TPX2: variants seen among roughly 807,000 people sequenced by gnomAD.
TPX2 encodes the protein TPX2 microtubule nucleation factor, also known as targeting protein for Xklp2.
TPX2 carries 21 observed loss-of-function variants against 93.6 expected under a neutral mutation model. The observed-to-expected ratio is 0.22, with a 90% CI of 0.16 to 0.32. The LOEUF (loss-of-function observed/expected upper bound fraction) is 0.32, where lower values mean the gene tolerates loss of function less well. TPX2 is among the 10% of genes least tolerant of loss of function. The pLI, the probability that TPX2 is intolerant of heterozygous loss-of-function variation, is 1.00. For synonymous variants in TPX2, 281 were observed against 298.3 expected (o/e 0.94, Z 0.60); for missense variants, 776 against 871.1 (o/e 0.89, Z 1.37).
intron 2 of TPX2, among the ~76,000 whole-genome samples, chr20:31,745,276 A>C (rs2061776526): frequency 6.6e-6 from 1 of 152,154 alleles, no homozygotes; most frequent in Non-Finnish European, 1.5e-5. Flanking sequence ...CATGGTTTAA[A>C]ATCTTCCTCC....
At chr20:31,797,295 T>A (rs557256180) in intron 15 of TPX2, 109 bp from the exon 16 acceptor site, 3 of 928,948 alleles carry the variant, frequency 3.2e-6, no homozygotes, top group South Asian at 3.1e-5. Flanking sequence ...TTATATTAAA[T>A]CTGCTATTTT....
At chr20:31,759,925 G>T in intron 3 of TPX2, 132 bp from the exon 4 acceptor site, 1 of 1,218,030 alleles carries the variant, frequency 8.2e-7, no homozygotes, top group Non-Finnish European at 1.1e-6. Context: ...TTGATTGCTA[G>T]AACTTTGCTT....
intron 9 of TPX2, 132 bp from the exon 10 acceptor site, chr20:31,778,681 A>G (rs2062016677): frequency 1.2e-6 from 1 of 818,908 alleles, no homozygotes. Flanking sequence ...TCAAGGACTG[A>G]CAAACTTCAG....
rs536682881 is a variant in TPX2 at position 31,787,819 on chromosome 20, G to A, written c.1413+3898G>A. Among the ~76,000 whole-genome samples the A allele has an allele frequency of 1.4e-4, 21 of 152,322 alleles. No individual in the cohort carries two copies. The East Asian group carries it at 3.9e-3, about 28-fold the overall frequency. On this transcript the variant is annotated intron_variant, in intron 12 of 17. Transcript: ENST00000300403. ...GCATTTCTCAGGTGAGCCAAGGGAT[G>A]ACTTTGAGTTCTGTCCTTTGTCCTG...
chr20:31,747,433 T>A (rs972801053), intron 2 of TPX2, among the ~76,000 whole-genome samples: 1 of 151,796 alleles, frequency 6.6e-6, no homozygotes, highest in Non-Finnish European at 1.5e-5. Context: ...TTTATATCTC[T>A]ATCTCTGTCT....
intron 12 of TPX2, among the ~76,000 whole-genome samples, chr20:31,785,332 G>T (rs1675144033): frequency 6.6e-6 from 1 of 152,140 alleles, no homozygotes; most frequent in South Asian, 2.1e-4. Flanking sequence ...AAACAGTGTT[G>T]TGAATACAAC....
At chr20:31,773,143 ATTTT>A (rs769516478) in intron 7 of TPX2, among the ~76,000 whole-genome samples, 3 of 102,344 alleles carry the variant, frequency 2.9e-5, no homozygotes, top group South Asian at 3.2e-4. Context: ...CACCCGGCTA[ATTTT>A]TTTTTTTTTT....
chr20:31,797,377 T>C, intron 15 of TPX2, 27 bp from the exon 16 acceptor site: 6 of 1,608,702 alleles, frequency 3.7e-6, no homozygotes, highest in Non-Finnish European at 5.1e-6. Flanking sequence ...GAGACATTGC[T>C]CATCTGACTG....
At chr20:31,755,855 G>A (rs2061848612) in intron 2 of TPX2, among the ~76,000 whole-genome samples, 1 of 152,052 alleles carries the variant, frequency 6.6e-6, no homozygotes, top group Non-Finnish European at 1.5e-5. Flanking sequence ...ATTACTTTCA[G>A]CTATTTTATT....
At chr20:31,771,854 T>C (rs568572402) in intron 7 of TPX2, among the ~76,000 whole-genome samples, 172 bp downstream of exon 7, 2 of 152,158 alleles carry the variant, frequency 1.3e-5, no homozygotes, top group East Asian at 3.9e-4. Flanking sequence ...AATTTTTATT[T>C]AATTAATTAA....
Position 31,792,773 on chromosome 20 carries a change from C to A in TPX2, c.1452C>A (p.Pro484=), listed in dbSNP as rs752522224. Residue 484 remains proline (P), a synonymous_variant, in exon 13 of 18, where the codon CCC becomes CCA. Coordinates refer to ENST00000300403, the MANE Select transcript of TPX2 (RefSeq NM_012112.5). ...AGAAGGTACTTCCAATCACCGTCCCCAAGTCACCAGCCTTTGCATTGAAGA... is the reference window on the plus strand; with the variant it reads ...AGAAGGTACTTCCAATCACCGTCCCAAAGTCACCAGCCTTTGCATTGAAGA... The part of the protein sequence containing the change: ...PEKKVLPITV[P]KSPAFALKNR... The A allele has an allele frequency of 6.2e-7, 1 of 1,614,212 alleles. No homozygotes were observed. Among genetic ancestry groups the A allele is most frequent in the Non-Finnish European group, 8.5e-7 (1 of 1,180,050 alleles).
At chr20:31,743,594 G>A (rs1473542404) in intron 2 of TPX2, among the ~76,000 whole-genome samples, 1 of 152,114 alleles carries the variant, frequency 6.6e-6, no homozygotes, top group African/African-American at 2.4e-5. Flanking sequence ...TACTTGGGGG[G>A]CCAAGGTGAA....
At chr20:31,791,581 G>A (rs961854944) in intron 12 of TPX2, among the ~76,000 whole-genome samples, 1 of 152,220 alleles carries the variant, frequency 6.6e-6, no homozygotes, top group African/African-American at 2.4e-5. Flanking sequence ...ACTGCACCTG[G>A]CCTAAAGAAT....
In TPX2 at chr20:31,794,478, C is replaced by A. The variant is rs772168207; in HGVS notation, c.1763C>A (p.Thr588Asn). Residue 588 changes from threonine (T) to asparagine (N), a missense_variant, in exon 15 of 18, where the codon ACC becomes AAC. Coordinates refer to ENST00000300403, the MANE Select transcript of TPX2 (RefSeq NM_012112.5). ...CCAGAGAAGAAGGTAAAGAATGTGA[C>A]CCAGATTGAACCTTTCTGCTTGGAG... ...NLPEKKVKNV[T>N]QIEPFCLETD... 1 of 1,614,008 alleles carries A rather than the reference C, an allele frequency of 6.2e-7. No homozygotes were observed. The highest frequency in any genetic ancestry group is 1.3e-5 in the African/African-American group (1 of 74,902).
chr20:31,771,511 C>T, intron 6 of TPX2, 49 bp from the exon 7 acceptor site: 3 of 1,591,228 alleles, frequency 1.9e-6, no homozygotes, highest in Non-Finnish European at 2.6e-6. Flanking sequence ...AGGGTACAGG[C>T]TATGCTTCAG....
chr20:31,756,860 C>A (rs888065823), intron 2 of TPX2, among the ~76,000 whole-genome samples: 2 of 152,106 alleles, frequency 1.3e-5, no homozygotes, highest in Non-Finnish European at 2.9e-5. Context: ...CTCCTGACCT[C>A]AGGTGATCCA....
intron 6 of TPX2, among the ~76,000 whole-genome samples, chr20:31,770,718 T>G (rs1367935825): frequency 6.6e-6 from 1 of 152,196 alleles, no homozygotes; most frequent in East Asian, 1.9e-4. Context: ...CCTCTTTTTG[T>G]TTTTACGGCT....
intron 4 of TPX2, among the ~76,000 whole-genome samples, chr20:31,761,352 C>T (rs565221429): frequency 1.3e-4 from 20 of 152,018 alleles, no homozygotes; most frequent in Admixed American, 5.2e-4. Flanking sequence ...CAGGCGCCCA[C>T]CAGCATGCCC....
chr20:31,752,219 C>T (rs533247637), intron 2 of TPX2, among the ~76,000 whole-genome samples: 75 of 152,236 alleles, frequency 4.9e-4, no homozygotes, highest in Non-Finnish European at 9.0e-4. Flanking sequence ...CAGATGACTG[C>T]CATAGCTCCA....
Sources: gnomAD v4.1 joint callset for allele counts (sites outside exome capture counted in the v4.1 genomes callset) on GRCh38, gnomAD v4.1.1 for gene constraint, MANE v1.5 for transcripts, NCBI Gene and HGNC (gene_info 2026-07-23, HGNC 2026-07-21) for gene names.